The following WDPCP variants were observed in gnomAD, a reference collection of about 807,000 sequenced individuals.
WDPCP encodes the protein WD repeat containing planar cell polarity effector, also known as WD repeat-containing and planar cell polarity effector protein fritz homolog.
Under a neutral mutation model 93.1 loss-of-function variants are expected in WDPCP, and 71 were observed. That is an observed-to-expected ratio of 0.76 (90% CI 0.63 to 0.93). The LOEUF (loss-of-function observed/expected upper bound fraction) is 0.93. Ranked by LOEUF, WDPCP falls within the 40% of genes least tolerant of loss-of-function variation. The probability of loss-of-function intolerance (pLI) is 0.00; values close to 1 mark genes in which losing one functional copy is unlikely to be tolerated. For missense variants in WDPCP, 844 were observed against 887.4 expected, an observed-to-expected ratio of 0.95 and a Z score of 0.62; for synonymous variants, 315 against 315.0, an observed-to-expected ratio of 1.00 and a Z score of 0.00.
intron 12 of WDPCP, among the ~76,000 whole-genome samples, chr2:63,344,261 G>A (rs1016467116): frequency 2.0e-5 from 3 of 152,116 alleles, no homozygotes; most frequent in Admixed American, 6.6e-5. Flanking sequence ...GGTCGGTGAA[G>A]TCTCCATTTC....
chr2:63,444,023 T>C (rs933738706), intron 6 of WDPCP, among the ~76,000 whole-genome samples: 2 of 152,122 alleles, frequency 1.3e-5, no homozygotes, highest in African/African-American at 4.8e-5. Flanking sequence ...CTGAACTTCA[T>C]GGGGGACTAC....
intron 14 of WDPCP, among the ~76,000 whole-genome samples, chr2:63,203,468 T>C (rs899646966): frequency 6.6e-5 from 10 of 152,176 alleles, no homozygotes; most frequent in African/African-American, 1.2e-4. Flanking sequence ...CCACTAACCC[T>C]TCCCAGCTCT....
intron 9 of WDPCP, among the ~76,000 whole-genome samples, chr2:63,417,941 C>G (rs933976247): frequency 6.6e-6 from 1 of 151,784 alleles, no homozygotes; most frequent in African/African-American, 2.4e-5. Context: ...TTCAGTTCTT[C>G]TAGGAAAATG....
chr2:63,595,503 C>T (rs1166652297), intron 3 of WDPCP: 2 of 1,608,354 alleles, frequency 1.2e-6, no homozygotes, highest in Admixed American at 1.7e-5. Context: ...AAGACTGTGC[C>T]CTTCCCCTCC....
intron 2 of WDPCP, among the ~76,000 whole-genome samples, chr2:63,699,466 T>C (rs778669309): frequency 2.6e-5 from 4 of 152,166 alleles, no homozygotes; most frequent in African/African-American, 9.7e-5. Context: ...AAGAAGGAAC[T>C]GAGAGGATTC....
intron 6 of WDPCP, among the ~76,000 whole-genome samples, chr2:63,462,970 C>A (rs565498913): frequency 6.6e-6 from 1 of 151,946 alleles, no homozygotes; most frequent in South Asian, 2.1e-4. Context: ...CCTTGGAGCA[C>A]AGGGGAGAGG....
chr2:63,156,653 G>A (rs1442659235), intron 15 of WDPCP, among the ~76,000 whole-genome samples: 2 of 152,132 alleles, frequency 1.3e-5, no homozygotes, highest in Non-Finnish European at 2.9e-5. Context: ...CAGGGGAATT[G>A]CTTGAACCAG....
chr2:63,391,602 CCT>C (rs1405144463), intron 10 of WDPCP, among the ~76,000 whole-genome samples: 2 of 152,050 alleles, frequency 1.3e-5, no homozygotes, highest in East Asian at 1.9e-4. Context: ...TCAAATTGTC[CCT>C]GTTTGCAGAG....
intron 2 of WDPCP, among the ~76,000 whole-genome samples, chr2:63,671,058 G>A (rs1172782286): frequency 1.3e-5 from 2 of 152,132 alleles, no homozygotes; most frequent in Non-Finnish European, 2.9e-5. Context: ...CCCTACTCAG[G>A]CTCAGCTTTG....
chr2:63,391,565 AG>A (rs1240238378), intron 10 of WDPCP, among the ~76,000 whole-genome samples: 1 of 152,208 alleles, frequency 6.6e-6, no homozygotes, highest in Non-Finnish European at 1.5e-5. Flanking sequence ...AAAGAAATAA[AG>A]GGTATTCCAT....
At chr2:63,583,007 T>G (rs1412975114) in intron 1 of WDPCP, among the ~76,000 whole-genome samples, 1 of 152,174 alleles carries the variant, frequency 6.6e-6, no homozygotes, top group African/African-American at 2.4e-5. Flanking sequence ...GTAACCATAT[T>G]GATGAATATT....
At chr2:63,310,704 C>G (rs1686119349) in intron 13 of WDPCP, among the ~76,000 whole-genome samples, 1 of 152,110 alleles carries the variant, frequency 6.6e-6, no homozygotes, top group African/African-American at 2.4e-5. Context: ...AAAATATTTG[C>G]AAAACTAAGC....
chr2:63,392,936 G>C (rs551737946), intron 10 of WDPCP, among the ~76,000 whole-genome samples: 1 of 152,338 alleles, frequency 6.6e-6, no homozygotes, highest in African/African-American at 2.4e-5. Flanking sequence ...TTACACTGTT[G>C]GTGGGACTGT....
At chr2:63,370,903 T>G (rs1219495828) in intron 12 of WDPCP, among the ~76,000 whole-genome samples, 2 of 146,898 alleles carry the variant, frequency 1.4e-5, no homozygotes, top group African/African-American at 4.8e-5. Context: ...TACATTTATT[T>G]TTAAACTTCC....
chr2:63,162,736 C>T (rs1672725307), intron 15 of WDPCP, among the ~76,000 whole-genome samples: 1 of 152,052 alleles, frequency 6.6e-6, no homozygotes, highest in Non-Finnish European at 1.5e-5. Flanking sequence ...TCTTTGAATG[C>T]AACTTATGAA....
At chr2:63,249,636 A>G (rs1680558410) in intron 14 of WDPCP, among the ~76,000 whole-genome samples, 1 of 152,158 alleles carries the variant, frequency 6.6e-6, no homozygotes, top group Non-Finnish European at 1.5e-5. Context: ...CTGTGGGGTA[A>G]CAAGGACAAA....
rs541543557 is a variant in WDPCP, at chr2:63,642,196, AT to A, written n.488+8462del. ...TTGTTTACTATAGCGCTGTAGTATAATTTTTTTTCTTACCCTATCTTGATGT... is the reference window on the plus strand; with the variant it reads ...TTGTTTACTATAGCGCTGTAGTATAATTTTTTTCTTACCCTATCTTGATGT... On this transcript the variant is annotated intron_variant and non_coding_transcript_variant, in intron 3 of 4. Transcript: ENST00000467687. Among the ~76,000 whole-genome samples, 162 of 151,532 alleles carry A rather than the reference AT, an allele frequency of 1.1e-3. 1 individual carries two copies. The highest frequency in any genetic ancestry group is 3.8e-3 in the African/African-American group (159 of 41,326).
intron 2 of WDPCP, among the ~76,000 whole-genome samples, chr2:63,699,721 C>T (rs942235157): frequency 1.3e-5 from 2 of 152,148 alleles, no homozygotes; most frequent in African/African-American, 4.8e-5. Context: ...ATAGCCAGGG[C>T]AAACTGGGAA....
chr2:63,414,542 A>C (rs1197398131), intron 9 of WDPCP, among the ~76,000 whole-genome samples: 1 of 152,102 alleles, frequency 6.6e-6, no homozygotes, highest in East Asian at 1.9e-4. Context: ...AATACTACAC[A>C]GCCATAAAAA....
Sources: gnomAD v4.1 joint callset for allele counts (sites outside exome capture counted in the v4.1 genomes callset) on GRCh38, gnomAD v4.1.1 for gene constraint, MANE v1.5 for transcripts, NCBI Gene and HGNC (gene_info 2026-07-23, HGNC 2026-07-21) for gene names.